STK32B: variants seen among roughly 807,000 people sequenced by gnomAD.
The protein encoded by STK32B is serine/threonine kinase 32B.
STK32B carries 43 observed loss-of-function variants against 52.6 expected under a neutral mutation model. That is an observed-to-expected ratio of 0.82 (90% CI 0.64 to 1.05). The LOEUF is 1.05. Among genes scored for constraint, STK32B ranks in the 50% least tolerant of loss-of-function variants. The pLI, the probability that STK32B is intolerant of heterozygous loss-of-function variation, is 0.00. For synonymous variants in STK32B, 238 were observed against 204.3 expected, an observed-to-expected ratio of 1.17 and a Z score of -1.41; for missense variants, 621 against 534.6, an observed-to-expected ratio of 1.16 and a Z score of -1.59.
chr4:5,198,591 G>A (rs964411001), intron 3 of STK32B, among the ~76,000 whole-genome samples: 1 of 152,160 alleles, frequency 6.6e-6, no homozygotes, highest in African/African-American at 2.4e-5. Flanking sequence ...GGGTAGAAAT[G>A]GACCCCTCTC....
At position 5,146,410 on chromosome 4, in the gene STK32B, G is replaced by C. The variant is rs1214732448; in HGVS notation, c.108+6450G>C. ...GAAGAATTTGAAGTCTGATGTTGTAGGGCAGAAAGCATATCCAGCACAGGA... is the reference window on the plus strand; with the variant it reads ...GAAGAATTTGAAGTCTGATGTTGTACGGCAGAAAGCATATCCAGCACAGGA... On this transcript the variant is annotated intron_variant, in intron 2 of 11. Transcript: ENST00000282908. Among the ~76,000 whole-genome samples, 3 of 152,192 alleles carry C rather than the reference G, an allele frequency of 2.0e-5. No individual in the cohort carries two copies. The East Asian group carries it at 5.8e-4, about 29-fold the overall frequency.
intron 7 of STK32B, 22 bp from the exon 8 acceptor site, chr4:5,456,781 TTCTG>T: frequency 6.5e-7 from 1 of 1,543,378 alleles, no homozygotes; most frequent in Non-Finnish European, 8.8e-7. Context: ...CTCTCTCTGA[TTCTG>T]GCTGTTGTTC....
At chr4:5,064,191 G>T (rs1742321003) in intron 1 of STK32B, among the ~76,000 whole-genome samples, 1 of 148,512 alleles carries the variant, frequency 6.7e-6, no homozygotes. Flanking sequence ...TTTCCTTGTG[G>T]TTTATATTTT....
chr4:5,367,671 C>T (rs78797522), intron 4 of STK32B, among the ~76,000 whole-genome samples: 1,739 of 152,200 alleles, frequency 0.011, 28 homozygotes, highest in East Asian at 0.075. Flanking sequence ...GAAGAATGTG[C>T]GCATGGCCAG....
intron 6 of STK32B, among the ~76,000 whole-genome samples, chr4:5,444,448 C>T (rs1275590584): frequency 1.3e-5 from 2 of 152,212 alleles, no homozygotes; most frequent in Admixed American, 6.5e-5. Context: ...CAATGCCTCG[C>T]CCTGCTTTGG....
chr4:5,067,807 CTT>C (rs1742480868), intron 1 of STK32B, among the ~76,000 whole-genome samples: 1 of 152,028 alleles, frequency 6.6e-6, no homozygotes, highest in African/African-American at 2.4e-5. Context: ...CCTCAGGAAA[CTT>C]TCTATCATGG....
intron 2 of STK32B, among the ~76,000 whole-genome samples, chr4:5,142,287 C>G (rs1045837445): frequency 6.6e-6 from 1 of 152,190 alleles, no homozygotes; most frequent in South Asian, 2.1e-4. Context: ...CTCTTCTTCC[C>G]TGGGGAGTAT....
Position 5,061,010 on chromosome 4 carries a change from G to A in STK32B, c.52+9095G>A, listed in dbSNP as rs372551201. Among the ~76,000 whole-genome samples, 173 of 152,224 alleles carry A rather than the reference G, an allele frequency of 1.1e-3. 2 individuals are homozygous for A. In the South Asian group the frequency reaches 0.035, roughly 31 times the overall value. On this transcript the variant is annotated intron_variant, in intron 1 of 11. Transcript: ENST00000282908. ...CCGGCCATCTCTGTTTGTTGTTAGT[G>A]CTTCTTGAATCTGTATCTTAGTGGC...
intron 3 of STK32B, among the ~76,000 whole-genome samples, chr4:5,181,101 C>T (rs889819033): frequency 5.3e-5 from 8 of 152,086 alleles, no homozygotes; most frequent in Admixed American, 3.3e-4. Context: ...TGAGGTCTGA[C>T]CTCCCAGGTT....
chr4:5,114,872 G>A (rs1314753340), intron 1 of STK32B, among the ~76,000 whole-genome samples: 1 of 152,086 alleles, frequency 6.6e-6, no homozygotes, highest in Non-Finnish European at 1.5e-5. Flanking sequence ...ACAGGTTGGA[G>A]CCTGTCCTTT....
At chr4:5,200,736 A>T (rs144986991) in intron 3 of STK32B, among the ~76,000 whole-genome samples, 30 of 152,332 alleles carry the variant, frequency 2.0e-4, no homozygotes, top group African/African-American at 6.3e-4. Flanking sequence ...AGGAAAAGTC[A>T]TGGCAAGTGG....
intron 3 of STK32B, among the ~76,000 whole-genome samples, chr4:5,216,653 C>T (rs570328530): frequency 5.3e-5 from 8 of 152,238 alleles, no homozygotes; most frequent in African/African-American, 1.9e-4. Context: ...GCAGTCTGTA[C>T]AAGGCACAGA....
chr4:5,122,158 ATTCACTTATTCACTTC>A (rs1394570898), intron 1 of STK32B, among the ~76,000 whole-genome samples: 1 of 150,188 alleles, frequency 6.7e-6, no homozygotes, highest in South Asian at 2.1e-4. Context: ...TCACTCCTTC[ATTCACTTATTCACTTC>A]TTCACTCCTT....
At position 5,310,027 on chromosome 4, in the gene STK32B, G is replaced by C. The variant is rs530779503; in HGVS notation, c.261-21193G>C. Among the ~76,000 whole-genome samples the C allele has an allele frequency of 2.6e-5, 4 of 152,134 alleles. No individual in the cohort carries two copies. In the East Asian group the frequency reaches 5.8e-4, roughly 22 times the overall value. On this transcript the variant is annotated intron_variant, in intron 3 of 11. Transcript: ENST00000282908. ...CTAAAAATACAAAAATTAGCCGGGCGTGGTGGCAAGTTGCTGCAGTCCCAG... is the reference window on the plus strand; with the variant it reads ...CTAAAAATACAAAAATTAGCCGGGCCTGGTGGCAAGTTGCTGCAGTCCCAG...
At chr4:5,094,329 A>G (rs943686192) in intron 1 of STK32B, among the ~76,000 whole-genome samples, 7 of 152,230 alleles carry the variant, frequency 4.6e-5, no homozygotes, top group African/African-American at 1.7e-4. Flanking sequence ...CTGCCAACCA[A>G]GAGCCAGCAG....
chr4:5,121,763 T>C (rs1715036649), intron 1 of STK32B, among the ~76,000 whole-genome samples: 1 of 149,266 alleles, frequency 6.7e-6, no homozygotes, highest in Admixed American at 6.7e-5. Context: ...GGGACCTGCC[T>C]GGCACCAAAG....
In STK32B at chr4:5,104,487, T is replaced by G. The variant is rs149802620; in HGVS notation, c.53-35418T>G. On this transcript the variant is annotated intron_variant, in intron 1 of 11. Coordinates refer to ENST00000282908, the MANE Select transcript of STK32B (RefSeq NM_018401.3). ...AAGGAATTTAACTCTATTTCTAGTT[T>G]GTTAAGTGTTTCATAAAACATTGTG... Among the ~76,000 whole-genome samples, 6 of 152,364 alleles carry G rather than the reference T, an allele frequency of 3.9e-5. No homozygotes were observed. The East Asian group carries it at 1.2e-3, about 29-fold the overall frequency.
At chr4:5,222,478 T>C (rs998403458) in intron 3 of STK32B, among the ~76,000 whole-genome samples, 3 of 152,174 alleles carry the variant, frequency 2.0e-5, no homozygotes, top group African/African-American at 7.2e-5. Flanking sequence ...GGTAGAAATA[T>C]GGAGAGTAAA....
At chr4:5,159,008 C>A (rs1283684645) in intron 2 of STK32B, among the ~76,000 whole-genome samples, 1 of 152,202 alleles carries the variant, frequency 6.6e-6, no homozygotes, top group Non-Finnish European at 1.5e-5. Context: ...CCATCACTCA[C>A]CTCTGTCATC....
Sources: allele counts gnomAD v4.1 joint callset (sites outside exome capture counted in the v4.1 genomes callset), GRCh38; gene constraint gnomAD v4.1.1; transcripts MANE v1.5; gene names NCBI Gene and HGNC (gene_info 2026-07-23, HGNC 2026-07-21).